SH3GL2: variants seen among roughly 807,000 people sequenced by gnomAD.
SH3GL2 encodes the protein SH3 domain containing GRB2 like 2, endophilin A1.
A neutral mutation model predicts 46.0 loss-of-function variants in SH3GL2; 24 were observed. The observed-to-expected ratio is 0.52, with a 90% CI of 0.38 to 0.73. The LOEUF (loss-of-function observed/expected upper bound fraction) is 0.73, where lower values mean the gene tolerates loss of function less well. Ranked by LOEUF, SH3GL2 falls within the 30% of genes least tolerant of loss-of-function variation. The pLI is 0.00. For missense variants in SH3GL2, 413 were observed against 424.2 expected (o/e 0.97, Z 0.23); for synonymous variants, 196 against 147.1 (o/e 1.33, Z -2.40).
intron 3 of SH3GL2, among the ~76,000 whole-genome samples, chr9:17,768,138 G>A (rs1315665965): frequency 6.6e-6 from 1 of 152,026 alleles, no homozygotes; most frequent in Non-Finnish European, 1.5e-5. Flanking sequence ...TTGGGAGGCC[G>A]AGGTGGGCGG....
At position 17,579,307 on chromosome 9, in the gene SH3GL2, C is replaced by G. The variant is rs1234123686; in HGVS notation, c.45+20C>G. On this transcript the variant is annotated intron_variant, in intron 1 of 8. Coordinates refer to ENST00000380607, the MANE Select transcript of SH3GL2 (RefSeq NM_003026.5). ...ACTCAGGTAAGGCGCGCGGCAGGTG[C>G]GTCCCGGGGCAGTCCGGGGCGAAGC... 3.3e-6 allele frequency: 5 copies of G among 1,537,936 alleles called. No individual in the cohort carries two copies. The highest frequency in any genetic ancestry group is 4.4e-6 in the Non-Finnish European group (5 of 1,139,532).
At chr9:17,691,729 T>A (rs1194327444) in intron 1 of SH3GL2, among the ~76,000 whole-genome samples, 4 of 152,286 alleles carry the variant, frequency 2.6e-5, no homozygotes, top group Middle Eastern at 6.8e-3. Flanking sequence ...AAAAGCTAAT[T>A]TGTACTATTC....
chr9:17,580,003 A>G (rs1339309665), intron 1 of SH3GL2, among the ~76,000 whole-genome samples: 1 of 152,296 alleles, frequency 6.6e-6, no homozygotes, highest in East Asian at 1.9e-4. Flanking sequence ...TTTTTAATAA[A>G]TCTTTGGCAT....
chr9:17,707,107 C>G (rs1821491293), intron 1 of SH3GL2, among the ~76,000 whole-genome samples: 1 of 152,052 alleles, frequency 6.6e-6, no homozygotes, highest in Non-Finnish European at 1.5e-5. Flanking sequence ...ATGGGGGGAA[C>G]TTGTGCTTTT....
intron 2 of SH3GL2, among the ~76,000 whole-genome samples, chr9:17,754,483 C>G (rs568153418): frequency 6.6e-6 from 1 of 152,104 alleles, no homozygotes; most frequent in East Asian, 1.9e-4. Context: ...ACCATCCTGG[C>G]TAACATGGTG....
chr9:17,788,535 T>C (rs756323050), intron 5 of SH3GL2, among the ~76,000 whole-genome samples: 1 of 152,124 alleles, frequency 6.6e-6, no homozygotes, highest in Non-Finnish European at 1.5e-5. Flanking sequence ...CCTTCATCCA[T>C]TAGTAGTGAA....
chr9:17,727,876 C>A, intron 1 of SH3GL2, among the ~76,000 whole-genome samples: 1 of 152,160 alleles, frequency 6.6e-6, no homozygotes, highest in East Asian at 1.9e-4. Flanking sequence ...GGAACCATCA[C>A]CCAGATAATC....
At chr9:17,622,628 A>C (rs958121600) in intron 1 of SH3GL2, among the ~76,000 whole-genome samples, 3 of 152,192 alleles carry the variant, frequency 2.0e-5, no homozygotes, top group Non-Finnish European at 4.4e-5. Flanking sequence ...ATGTGGAAGA[A>C]TATTAATTGG....
chr9:17,685,671 G>A (rs1588238291), intron 1 of SH3GL2, among the ~76,000 whole-genome samples: 1 of 152,128 alleles, frequency 6.6e-6, no homozygotes, highest in Admixed American at 6.5e-5. Context: ...CATATGGCTA[G>A]CCAGTTTTCC....
chr9:17,793,573 T>C lies in SH3GL2; in HGVS notation c.859+76T>C, dbSNP rs542846277. The C allele has an allele frequency of 5.7e-5, 80 of 1,406,176 alleles. 1 individual carries two copies. In the Middle Eastern group the frequency reaches 7.1e-4, roughly 13 times the overall value. The allele number at this position is 1,406,176 out of a possible 1,614,324, so 87.1% of individuals were successfully genotyped here. The stretch of plus-strand genomic sequence containing the variant: ...GGCACTCTTCCAGAAATTTTAGGAA[T>C]AGTCCAATCTGGCTGCATAGGAAAT... On this transcript the variant is annotated intron_variant, in intron 8 of 8. Transcript: ENST00000380607.
intron 1 of SH3GL2, among the ~76,000 whole-genome samples, chr9:17,737,014 A>C (rs1036600896): frequency 1.3e-5 from 2 of 152,148 alleles, no homozygotes; most frequent in African/African-American, 2.4e-5. Flanking sequence ...ATGGAATACT[A>C]TGCAGCCATA....
intron 1 of SH3GL2, among the ~76,000 whole-genome samples, chr9:17,584,547 G>A (rs1383596474): frequency 6.6e-6 from 1 of 152,100 alleles, no homozygotes; most frequent in African/African-American, 2.4e-5. Flanking sequence ...GGAGAAAGTG[G>A]ATGTTTCTTA....
chr9:17,720,657 T>C (rs746025957), intron 1 of SH3GL2, among the ~76,000 whole-genome samples: 7 of 149,930 alleles, frequency 4.7e-5, no homozygotes, highest in Non-Finnish European at 8.8e-5. Context: ...ACCTAAATTA[T>C]ATAAGGAGGC....
chr9:17,580,497 C>T (rs1432234842), intron 1 of SH3GL2, among the ~76,000 whole-genome samples: 1 of 152,200 alleles, frequency 6.6e-6, no homozygotes, highest in Admixed American at 6.5e-5. Flanking sequence ...CTTCATCACA[C>T]ATTCTTGCCT....
chr9:17,688,174 G>A (rs1820974077), intron 1 of SH3GL2, among the ~76,000 whole-genome samples: 2 of 152,070 alleles, frequency 1.3e-5, no homozygotes, highest in South Asian at 2.1e-4. Flanking sequence ...ATGTCGAGGT[G>A]TACCAAGATT....
At chr9:17,776,356 T>C (rs1300043945) in intron 3 of SH3GL2, among the ~76,000 whole-genome samples, 1 of 152,184 alleles carries the variant, frequency 6.6e-6, no homozygotes, top group East Asian at 1.9e-4. Context: ...ATCACTGTCC[T>C]TGGGACTAAA....
intron 3 of SH3GL2, among the ~76,000 whole-genome samples, chr9:17,772,679 C>A (rs1314183255): frequency 6.6e-6 from 1 of 152,144 alleles, no homozygotes; most frequent in Non-Finnish European, 1.5e-5. Context: ...GAATTGCCTT[C>A]CTTTTTAAGG....
intron 1 of SH3GL2, among the ~76,000 whole-genome samples, chr9:17,642,256 T>G (rs1819703636): frequency 6.6e-6 from 1 of 152,240 alleles, no homozygotes; most frequent in Admixed American, 6.5e-5. Context: ...ATTATGGATA[T>G]TAGCCCTTTG....
chr9:17,749,644 C>T (rs918852336), intron 2 of SH3GL2, among the ~76,000 whole-genome samples: 2 of 152,188 alleles, frequency 1.3e-5, no homozygotes, highest in African/African-American at 4.8e-5. Context: ...AGCTAACTTC[C>T]TGTTTCTTAA....
Sources: allele counts gnomAD v4.1 joint callset (sites outside exome capture counted in the v4.1 genomes callset), GRCh38; gene constraint gnomAD v4.1.1; transcripts MANE v1.5; gene names NCBI Gene and HGNC (gene_info 2026-07-23, HGNC 2026-07-21).